Variants in ZDHHC14 observed in about 807,000 individuals in gnomAD.
ZDHHC14 encodes zDHHC palmitoyltransferase 14, also known as palmitoyltransferase ZDHHC14.
Under a neutral mutation model 47.7 loss-of-function variants are expected in ZDHHC14, and 16 were observed. The ratio of observed to expected loss-of-function variants is 0.34; its 90% confidence interval spans 0.23 to 0.51. The LOEUF is 0.51. Ranked by LOEUF, ZDHHC14 falls within the 20% of genes least tolerant of loss-of-function variation. The pLI is 0.97. For synonymous variants in ZDHHC14, 293 were observed against 278.9 expected, an observed-to-expected ratio of 1.05 and a Z score of -0.50; for missense variants, 515 against 662.5, an observed-to-expected ratio of 0.78 and a Z score of 2.44.
intron 1 of ZDHHC14, among the ~76,000 whole-genome samples, chr6:157,503,203 C>T (rs949693303): frequency 1.3e-5 from 2 of 152,164 alleles, no homozygotes; most frequent in Admixed American, 6.5e-5. Flanking sequence ...CCCTCCACAC[C>T]GGCCACCTTC....
intron 2 of ZDHHC14, among the ~76,000 whole-genome samples, chr6:157,544,935 A>C (rs1334293151): frequency 3.3e-5 from 5 of 152,242 alleles, no homozygotes; most frequent in African/African-American, 1.2e-4. Flanking sequence ...TCATAGCTGC[A>C]TGAAACCTAA....
intron 2 of ZDHHC14, among the ~76,000 whole-genome samples, chr6:157,576,728 T>G (rs999480039): frequency 6.6e-6 from 1 of 152,346 alleles, no homozygotes; most frequent in East Asian, 1.9e-4. Flanking sequence ...AGAGAGATGC[T>G]TCATCTTCAT....
At chr6:157,509,054 T>C (rs1444247165) in intron 1 of ZDHHC14, among the ~76,000 whole-genome samples, 4 of 152,182 alleles carry the variant, frequency 2.6e-5, no homozygotes, top group Non-Finnish European at 5.9e-5. Context: ...CCCCCTGCAT[T>C]CCTTGGCTCG....
chr6:157,532,548 G>A (rs1034073931), intron 1 of ZDHHC14, among the ~76,000 whole-genome samples: 1 of 152,178 alleles, frequency 6.6e-6, no homozygotes, highest in African/African-American at 2.4e-5. Flanking sequence ...TGGAACTGAG[G>A]GGAGTTGGGC....
intron 1 of ZDHHC14, among the ~76,000 whole-genome samples, chr6:157,512,615 G>A (rs1022163540): frequency 1.3e-5 from 2 of 152,090 alleles, no homozygotes; most frequent in Non-Finnish European, 2.9e-5. Context: ...GGCAGATGTG[G>A]GAGGATAGCT....
chr6:157,477,764 A>T (rs1010296571), intron 1 of ZDHHC14, among the ~76,000 whole-genome samples: 1 of 152,218 alleles, frequency 6.6e-6, no homozygotes, highest in Non-Finnish European at 1.5e-5. Flanking sequence ...TGCACCATAC[A>T]GCCACAATAT....
At chr6:157,581,382 G>T (rs1308594450) in intron 2 of ZDHHC14, among the ~76,000 whole-genome samples, 1 of 151,902 alleles carries the variant, frequency 6.6e-6, no homozygotes, top group African/African-American at 2.4e-5. Flanking sequence ...GCAATCAGAA[G>T]AATGTATATT....
At chr6:157,431,576 G>A (rs543874383) in intron 1 of ZDHHC14, among the ~76,000 whole-genome samples, 1 of 152,262 alleles carries the variant, frequency 6.6e-6, no homozygotes. Context: ...CTAGGTCATT[G>A]CTAGTGTGGG....
chr6:157,399,348 G>T (rs1225499206), intron 1 of ZDHHC14, among the ~76,000 whole-genome samples: 1 of 151,164 alleles, frequency 6.6e-6, no homozygotes, highest in Non-Finnish European at 1.5e-5. Flanking sequence ...CTGTTGCCAG[G>T]GCCGAAGTTG....
At chr6:157,384,558 C>T (rs1316565728) in intron 1 of ZDHHC14, among the ~76,000 whole-genome samples, 1 of 152,144 alleles carries the variant, frequency 6.6e-6, no homozygotes, top group African/African-American at 2.4e-5. Flanking sequence ...TGTGTGTTTG[C>T]TCTCCATGGT....
rs543595531 is a variant in ZDHHC14 at position 157,585,002 on chromosome 6, C to T, written c.407-7986C>T. 5.3e-5 allele frequency among the ~76,000 whole-genome samples: 8 copies of T among 152,094 alleles called. No homozygotes were observed. In the South Asian group the frequency reaches 1.2e-3, roughly 24 times the overall value. ...GGTGGATCACCTAAGGTCAGGAGTT[C>T]GAGACCAGCCTGGCCAACATGGCAA... On this transcript the variant is annotated intron_variant, in intron 2 of 8. Transcript: ENST00000359775.
intron 1 of ZDHHC14, among the ~76,000 whole-genome samples, chr6:157,490,027 T>A (rs1187274957): frequency 1.3e-5 from 2 of 152,024 alleles, no homozygotes; most frequent in East Asian, 3.9e-4. Flanking sequence ...GGTGGAATCT[T>A]CTGATGTTGG....
intron 3 of ZDHHC14, among the ~76,000 whole-genome samples, chr6:157,600,113 C>T (rs1299823086): frequency 1.3e-5 from 2 of 152,136 alleles, no homozygotes; most frequent in Non-Finnish European, 2.9e-5. Flanking sequence ...CTGAGAGCTT[C>T]GGAAAGGTTG....
intron 3 of ZDHHC14, among the ~76,000 whole-genome samples, chr6:157,624,800 A>G (rs1174860065): frequency 6.6e-6 from 1 of 152,222 alleles, no homozygotes; most frequent in Non-Finnish European, 1.5e-5. Flanking sequence ...GCAGACAAGC[A>G]CAAGTGAAAA....
Position 157,582,676 on chromosome 6 carries a change from T to G in ZDHHC14, c.407-10312T>G, listed in dbSNP as rs912268403. ...TTCTTTAACATTGTTTCTCTCATTT[T>G]CATCTTGGAGAATCTGATGATTATG... On this transcript the variant is annotated intron_variant, in intron 2 of 8. Transcript: ENST00000359775. The surrounding 1 kb of genome is among the most constrained non-coding windows in gnomAD (Gnocchi z 4.3). 1.3e-5 allele frequency among the ~76,000 whole-genome samples: 2 copies of G among 152,220 alleles called. No individual in the cohort carries two copies. Among genetic ancestry groups the G allele is most frequent in the Non-Finnish European group, 1.5e-5 (1 of 68,034 alleles).
chr6:157,654,504 A>T (rs564078236), intron 8 of ZDHHC14, among the ~76,000 whole-genome samples: 1 of 152,188 alleles, frequency 6.6e-6, no homozygotes, highest in South Asian at 2.1e-4. Context: ...CAGATCAGAG[A>T]CCTGACTTTC....
At chr6:157,664,882 AC>A (rs5881227) in intron 8 of ZDHHC14, among the ~76,000 whole-genome samples, 13,228 of 152,168 alleles carry the variant, frequency 0.087, 825 homozygotes, top group Admixed American at 0.18. Context: ...CTCCACTAGG[AC>A]TTCTGGTCCT....
intron 1 of ZDHHC14, among the ~76,000 whole-genome samples, chr6:157,454,503 T>TA (rs1778869513): frequency 6.8e-6 from 1 of 147,816 alleles, no homozygotes; most frequent in African/African-American, 2.5e-5. Flanking sequence ...TTCTTCTTTT[T>TA]TTTTTTTTTT....
At chr6:157,531,636 G>T (rs543512686) in intron 1 of ZDHHC14, among the ~76,000 whole-genome samples, 1 of 151,962 alleles carries the variant, frequency 6.6e-6, no homozygotes, top group South Asian at 2.1e-4. Context: ...AGGAAGCGAG[G>T]GTCTTGTCTT....
Sources: allele counts gnomAD v4.1 joint callset (sites outside exome capture counted in the v4.1 genomes callset), GRCh38; gene constraint gnomAD v4.1.1; non-coding constraint Gnocchi (gnomAD v3.1); transcripts MANE v1.5; gene names NCBI Gene and HGNC (gene_info 2026-07-23, HGNC 2026-07-21).